Variants in DENND4C observed in about 807,000 individuals in gnomAD.
DENND4C encodes the protein DENN domain-containing protein 4C.
Under a neutral mutation model 203.0 loss-of-function variants are expected in DENND4C, and 108 were observed. The observed-to-expected ratio is 0.53, with a 90% CI of 0.46 to 0.62. DENND4C has a LOEUF of 0.62. Ranked by LOEUF, DENND4C falls within the 20% of genes least tolerant of loss-of-function variation. DENND4C has a pLI of 0.00. For synonymous variants in DENND4C, 871 were observed against 792.4 expected (o/e 1.10, Z -1.67); for missense variants, 2,481 against 2,301.2 (o/e 1.08, Z -1.60).
intron 1 of DENND4C, among the ~76,000 whole-genome samples, chr9:19,232,093 C>T (rs16937397): frequency 6.6e-6 from 1 of 152,102 alleles, no homozygotes; most frequent in East Asian, 1.9e-4. Flanking sequence ...ATCCTTTATT[C>T]TTGATCACTA....
chr9:19,336,859 C>A, intron 20 of DENND4C, 27 bp downstream of exon 20: 1 of 1,536,834 alleles, frequency 6.5e-7, no homozygotes, highest in South Asian at 1.2e-5. Context: ...TTTACTAACC[C>A]TTCACTTACT....
rs1563809213 is a variant in DENND4C, at chr9:19,329,322, CT to C, written c.2253+1164del. The stretch of plus-strand genomic sequence containing the variant: ...AGAGTAGAACTGCATAATATGTATT[CT>C]TTTGTGACTGGCATCTTTCATTTAG... On this transcript the variant is annotated intron_variant, in intron 16 of 32. Coordinates refer to ENST00000434457, the MANE Select transcript of DENND4C (RefSeq NM_001330640.2). Among the ~76,000 whole-genome samples the C allele has an allele frequency of 2.0e-5, 3 of 152,282 alleles. No individual in the cohort carries two copies. The East Asian group carries it at 5.8e-4, about 29-fold the overall frequency.
intron 30 of DENND4C, among the ~76,000 whole-genome samples, chr9:19,366,436 C>G (rs564225036): frequency 3.3e-5 from 5 of 152,216 alleles, no homozygotes; most frequent in Admixed American, 1.3e-4. Context: ...CCCATCTCTA[C>G]TAAAAAAATA....
chr9:19,251,975 G>A (rs1389191065), intron 1 of DENND4C, among the ~76,000 whole-genome samples: 4 of 152,130 alleles, frequency 2.6e-5, no homozygotes, highest in African/African-American at 7.2e-5. Context: ...TACCCAGTTC[G>A]AAAGTCGCTT....
At chr9:19,341,253 A>G in intron 21 of DENND4C, 139 bp downstream of exon 21, 1 of 583,792 alleles carries the variant, frequency 1.7e-6, no homozygotes, top group South Asian at 3.6e-5. Context: ...GTACTGTTAC[A>G]TAAGGTAGAT....
intron 30 of DENND4C, 60 bp from the exon 31 acceptor site, chr9:19,369,777 A>AAATAAT (rs1554645960): frequency 4.3e-6 from 4 of 937,432 alleles, no homozygotes; most frequent in Admixed American, 4.5e-5. Context: ...AAAAAAAAAA[A>AAATAAT]AATAATAATA....
At chr9:19,317,018 A>C (rs889108216) in intron 12 of DENND4C, among the ~76,000 whole-genome samples, 179 bp downstream of exon 12, 1 of 151,962 alleles carries the variant, frequency 6.6e-6, no homozygotes, top group Non-Finnish European at 1.5e-5. Context: ...TTTATAGCCC[A>C]TTTTTCTCCT....
chr9:19,281,468 T>A (rs1834027948), intron 2 of DENND4C, among the ~76,000 whole-genome samples: 1 of 152,212 alleles, frequency 6.6e-6, no homozygotes, highest in African/African-American at 2.4e-5. Context: ...GGAAAGCCTA[T>A]TAGCTACTGG....
At chr9:19,345,680 A>T (rs1362421648) in intron 22 of DENND4C, among the ~76,000 whole-genome samples, 1 of 152,176 alleles carries the variant, frequency 6.6e-6, no homozygotes, top group Admixed American at 6.5e-5. Flanking sequence ...TTGTTTTTTT[A>T]AATGGGTGTT....
At chr9:19,266,636 C>T (rs921212503) in intron 1 of DENND4C, among the ~76,000 whole-genome samples, 1 of 152,072 alleles carries the variant, frequency 6.6e-6, no homozygotes. Flanking sequence ...GAGATATAGA[C>T]CAATGGAACA....
At chr9:19,296,283 C>G (rs1837440817) in intron 6 of DENND4C, 37 bp downstream of exon 6, 1 of 1,351,784 alleles carries the variant, frequency 7.4e-7, no homozygotes, top group East Asian at 2.3e-5. Flanking sequence ...TGGTGGAAAA[C>G]TGGGTATATA....
intron 6 of DENND4C, 65 bp from the exon 7 acceptor site, chr9:19,297,991 T>G: frequency 7.8e-7 from 1 of 1,279,688 alleles, no homozygotes; most frequent in Non-Finnish European, 1.1e-6. Context: ...TATTTAAGAT[T>G]TGTTAAAAAC....
chr9:19,237,391 A>G (rs577522648), intron 1 of DENND4C, among the ~76,000 whole-genome samples: 1 of 143,958 alleles, frequency 6.9e-6, no homozygotes, highest in Admixed American at 7.0e-5. Context: ...TCGCTCTATC[A>G]CCCAGGCTGG....
At position 19,346,213 on chromosome 9, in the gene DENND4C, C is replaced by G; in HGVS notation, c.3444C>G (p.Ser1148Arg). 1 of 1,614,176 alleles carries G rather than the reference C, an allele frequency of 6.2e-7. No individual in the cohort carries two copies. Residue 1148 changes from serine to arginine, a missense_variant, in exon 23 of 33, where the codon AGC becomes AGG. Coordinates refer to ENST00000434457, the MANE Select transcript of DENND4C (RefSeq NM_001330640.2). ...TACTTCATATTGCAAGAACCCATAG[C>G]TTTGAGAATGTTAGCTGTCACCTAC... ...TSLLHIARTHSFENVSCHLPD... is the reference protein window; with the variant it reads ...TSLLHIARTHRFENVSCHLPD...
intron 1 of DENND4C, among the ~76,000 whole-genome samples, chr9:19,248,676 C>G (rs1223678316): frequency 6.6e-6 from 1 of 152,184 alleles, no homozygotes; most frequent in Admixed American, 6.5e-5. Context: ...AGGTGTGTGC[C>G]TCTGCGCCTG....
At position 19,264,375 on chromosome 9, in the gene DENND4C, C is replaced by T. The variant is rs181265841; in HGVS notation, c.-17-11783C>T. Reference sequence around the variant, plus strand: ...AGTGCAGAATGCAGTGGCGCAATTTCGGCTCACTACAACCTCCACCTCCCA... The same window carrying T: ...AGTGCAGAATGCAGTGGCGCAATTTTGGCTCACTACAACCTCCACCTCCCA... On this transcript the variant is annotated intron_variant, in intron 1 of 32. Coordinates refer to ENST00000434457, the MANE Select transcript of DENND4C (RefSeq NM_001330640.2). 1.9e-4 allele frequency among the ~76,000 whole-genome samples: 29 copies of T among 151,822 alleles called. No individual in the cohort carries two copies. In the East Asian group the frequency reaches 4.9e-3, roughly 25 times the overall value.
intron 1 of DENND4C, among the ~76,000 whole-genome samples, chr9:19,237,616 C>G (rs1822339865): frequency 6.6e-6 from 1 of 152,110 alleles, no homozygotes; most frequent in African/African-American, 2.4e-5. Context: ...CTCGACCTCC[C>G]AAAGTGCTGG....
rs370367007 is a variant in DENND4C at position 19,331,369 on chromosome 9, A to G, written c.2254-609A>G. Among the ~76,000 whole-genome samples the G allele has an allele frequency of 4.0e-4, 61 of 151,950 alleles. 1 individual carries two copies. The South Asian group carries it at 0.011, about 28-fold the overall frequency. ...AGGCACATGCCACCATGCGCGGCTAATTTTTGTATTTTTAGTAGAGACTGG... is the reference window on the plus strand; with the variant it reads ...AGGCACATGCCACCATGCGCGGCTAGTTTTTGTATTTTTAGTAGAGACTGG... On this transcript the variant is annotated intron_variant, in intron 16 of 32. Coordinates refer to ENST00000434457, the MANE Select transcript of DENND4C (RefSeq NM_001330640.2).
chr9:19,352,903 G>T (rs1824479803), intron 26 of DENND4C, among the ~76,000 whole-genome samples: 1 of 152,098 alleles, frequency 6.6e-6, no homozygotes, highest in Admixed American at 6.5e-5. Context: ...CGAGGCCCAG[G>T]TGGGAGGATT....
Sources: allele counts gnomAD v4.1 joint callset (sites outside exome capture counted in the v4.1 genomes callset), GRCh38; gene constraint gnomAD v4.1.1; transcripts MANE v1.5; gene names NCBI Gene and HGNC (gene_info 2026-07-23, HGNC 2026-07-21).